Variants in PLPP1 observed in about 807,000 individuals in gnomAD.
PLPP1 encodes lipid phosphate phosphohydrolase 1a.
In PLPP1, 24 loss-of-function variants were observed where a neutral mutation model predicts 31.2. The ratio of observed to expected loss-of-function variants is 0.77; its 90% CI spans 0.56 to 1.08. The LOEUF is 1.08. Ranked by LOEUF, PLPP1 falls within the 50% of genes least tolerant of loss-of-function variation. PLPP1 has a pLI of 0.00. For missense variants in PLPP1, 319 were observed against 342.7 expected, an observed-to-expected ratio of 0.93 and a Z score of 0.55; for synonymous variants, 146 against 126.3, an observed-to-expected ratio of 1.16 and a Z score of -1.05.
intron 4 of PLPP1, among the ~76,000 whole-genome samples, chr5:55,435,823 C>T (rs1185793634): frequency 6.6e-6 from 1 of 152,108 alleles, no homozygotes; most frequent in Non-Finnish European, 1.5e-5. Context: ...AACCCCGACG[C>T]CTCAGAAGGA....
rs149711233 is a variant in PLPP1 at position 55,468,120 on chromosome 5, G to A, written c.240C>T (p.Tyr80=). The A allele has an allele frequency of 2.1e-5, 34 of 1,606,098 alleles. No homozygotes were observed. Among genetic ancestry groups the A allele is most frequent in the Non-Finnish European group, 2.9e-5 (34 of 1,175,604 alleles). Residue 80 remains tyrosine, a synonymous_variant, in exon 3 of 6, where the codon TAC becomes TAT. Coordinates refer to ENST00000307259, the MANE Select transcript of PLPP1 (RefSeq NM_003711.4). ...AGGAATTTGAGTGCAAAAGGTTACA[G>A]TAAACAGACAGGGTTTCTCCAAGAA... The part of the protein sequence containing the change: ...VIILGETLSV[Y]CNLLHSNSFI...
In PLPP1 at chr5:55,432,880, CAACT is replaced by C. The variant is rs1751393107; in HGVS notation, c.550-6845_550-6842del. Among the ~76,000 whole-genome samples the C allele has an allele frequency of 2.6e-5, 4 of 151,336 alleles. No homozygotes were observed. In the South Asian group the frequency reaches 8.3e-4, roughly 31 times the overall value. ...ACATGATAAATGTTGCATGAACACA[CAACT>C]AACGCCATCCTAAACAGGGAAAAGC... On this transcript the variant is annotated intron_variant, in intron 4 of 5. Transcript: ENST00000307259.
At chr5:55,460,488 G>A (rs372329928) in intron 3 of PLPP1, among the ~76,000 whole-genome samples, 18 of 152,214 alleles carry the variant, frequency 1.2e-4, no homozygotes, top group African/African-American at 3.4e-4. Flanking sequence ...ATGTAAGAGA[G>A]GCTATCTCTG....
chr5:55,499,432 C>T (rs1753070720), intron 1 of PLPP1, among the ~76,000 whole-genome samples: 1 of 152,168 alleles, frequency 6.6e-6, no homozygotes. Context: ...ATAATGTGGT[C>T]TCTTATTCAC....
At chr5:55,530,843 AGG>A in intron 1 of PLPP1, 2 of 1,213,116 alleles carry the variant, frequency 1.6e-6, no homozygotes, top group Non-Finnish European at 2.4e-6. Context: ...ACGGGGCAGT[AGG>A]ATGTGGCCGC....
At chr5:55,438,850 G>A (rs1000285735) in intron 4 of PLPP1, among the ~76,000 whole-genome samples, 3 of 151,500 alleles carry the variant, frequency 2.0e-5, no homozygotes, top group Non-Finnish European at 2.9e-5. Flanking sequence ...GCAGTGAGCC[G>A]AGATCGCGCC....
At position 55,502,177 on chromosome 5, in the gene PLPP1, T is replaced by C. The variant is rs904231216; in HGVS notation, c.59-26727A>G. Among the ~76,000 whole-genome samples, 3 of 152,224 alleles carry C rather than the reference T, an allele frequency of 2.0e-5. No individual in the cohort carries two copies. In the Middle Eastern group the frequency reaches 0.01, roughly 518 times the overall value. ...TTTTATCTAGGGCAGTGCTAGCCAA[T>C]AAAATTTTCTGTGATAAAAGAAATG... On this transcript the variant is annotated intron_variant, in intron 1 of 5. Transcript: ENST00000307259.
chr5:55,445,087 T>C (rs1023244522), intron 3 of PLPP1, among the ~76,000 whole-genome samples: 1 of 152,138 alleles, frequency 6.6e-6, no homozygotes, highest in Non-Finnish European at 1.5e-5. Flanking sequence ...ATGATGTTTT[T>C]TTCCTCACAT....
At chr5:55,432,552 G>A (rs76242725) in intron 4 of PLPP1, among the ~76,000 whole-genome samples, 219 of 152,126 alleles carry the variant, frequency 1.4e-3, no homozygotes, top group Non-Finnish European at 2.5e-3. Context: ...ACCCTGATAC[G>A]AAAAACAGAC....
chr5:55,435,236 AAG>A (rs1487636381), intron 4 of PLPP1, among the ~76,000 whole-genome samples: 1 of 152,208 alleles, frequency 6.6e-6, no homozygotes, highest in Non-Finnish European at 1.5e-5. Flanking sequence ...AAAAAACATT[AAG>A]AGATGCTGTT....
chr5:55,425,506 A>C, intron 5 of PLPP1, 172 bp from the exon 6 acceptor site: 1 of 598,506 alleles, frequency 1.7e-6, no homozygotes. Context: ...GATTATTCCA[A>C]ATTAAGAGTT....
chr5:55,428,677 A>G (rs1398322110), intron 4 of PLPP1, among the ~76,000 whole-genome samples: 1 of 152,170 alleles, frequency 6.6e-6, no homozygotes, highest in African/African-American at 2.4e-5. Context: ...ATACTGTTCT[A>G]TTAGAACTAG....
intron 1 of PLPP1, among the ~76,000 whole-genome samples, chr5:55,491,792 A>G (rs887106179): frequency 2.7e-4 from 38 of 141,342 alleles, no homozygotes; most frequent in African/African-American, 9.8e-4. Flanking sequence ...CAGGGGACAG[A>G]GGTTGCAGTG....
chr5:55,506,265 A>T (rs1753276850), intron 1 of PLPP1, among the ~76,000 whole-genome samples: 1 of 146,442 alleles, frequency 6.8e-6, no homozygotes, highest in African/African-American at 2.6e-5. Context: ...CAAATTACTA[A>T]AAAAAAAAAA....
At chr5:55,505,444 A>G in intron 1 of PLPP1, among the ~76,000 whole-genome samples, 1 of 84,618 alleles carries the variant, frequency 1.2e-5, no homozygotes, top group East Asian at 2.8e-4. Context: ...ATCTATACAC[A>G]CGCAAAAAAA....
chr5:55,475,371 C>G lies in PLPP1; in HGVS notation c.138G>C (p.Lys46Asn), dbSNP rs201512812. ...GTATGGTGTCTTCTTTGTAAGGGTA[C>G]TTGATGGACTCATCATTACAGAATA... is the stretch of plus-strand genomic sequence containing the variant. Reference protein sequence around the residue: ...RGVFCNDESIKYPYKEDTIPY... With the variant: ...RGVFCNDESINYPYKEDTIPY... Residue 46 changes from lysine to asparagine, a missense_variant, in exon 2 of 6, where the codon AAG becomes AAC. Coordinates refer to ENST00000307259, the MANE Select transcript of PLPP1 (RefSeq NM_003711.4). 917 of 1,612,060 alleles carry G rather than the reference C, an allele frequency of 5.7e-4. No homozygotes were observed. Among genetic ancestry groups the G allele is most frequent in the Non-Finnish European group, 7.6e-4 (892 of 1,178,484 alleles).
At chr5:55,425,734 A>T (rs1171287224) in intron 5 of PLPP1, 129 bp downstream of exon 5, 1 of 854,938 alleles carries the variant, frequency 1.2e-6, no homozygotes, top group African/African-American at 1.7e-5. Flanking sequence ...GTGACTTTTA[A>T]TAACATTGAG....
At position 55,425,099 on chromosome 5, in the gene PLPP1, A is replaced by G. The variant is rs1025917570; in HGVS notation, c.*107T>C. 1.4e-6 allele frequency: 2 copies of G among 1,395,122 alleles called. No individual in the cohort carries two copies. Among genetic ancestry groups the G allele is most frequent in the Non-Finnish European group, 1.9e-6 (2 of 1,028,308 alleles). The allele number at this position is 1,395,122 out of a possible 1,614,324, so 86.4% of individuals were successfully genotyped here. On this transcript the variant is annotated 3_prime_UTR_variant, in exon 6 of 6. Transcript: ENST00000307259. ...ATCCAAGAGGCATAGCAGCAGCAGA[A>G]GTCTTTAAAGGCTTGTACACCAGGA...
chr5:55,441,759 CTAAT>C (rs1381056184), intron 4 of PLPP1, 88 bp downstream of exon 4: 1 of 1,338,054 alleles, frequency 7.5e-7, no homozygotes, highest in Non-Finnish European at 1.1e-6. Context: ...TTGCTACTGG[CTAAT>C]TTATTAGGAC....
Sources: gnomAD v4.1 joint callset for allele counts (sites outside exome capture counted in the v4.1 genomes callset) on GRCh38, gnomAD v4.1.1 for gene constraint, MANE v1.5 for transcripts, NCBI Gene and HGNC (gene_info 2026-07-23, HGNC 2026-07-21) for gene names.